Variants in NFIB observed in about 807,000 individuals in gnomAD.
NFIB encodes nuclear factor I B.
In NFIB, 11 loss-of-function variants were observed where a neutral mutation model predicts 61.5. The observed-to-expected ratio is 0.18, with a 90% confidence interval of 0.11 to 0.30. The LOEUF (loss-of-function observed/expected upper bound fraction) is 0.30, where lower values mean the gene tolerates loss of function less well. NFIB is among the 10% of genes least tolerant of loss of function. NFIB has a pLI of 1.00. For missense variants in NFIB, 471 were observed against 608.9 expected, an observed-to-expected ratio of 0.77 and a Z score of 2.38; for synonymous variants, 260 against 216.5, an observed-to-expected ratio of 1.20 and a Z score of -1.76.
At chr9:14,456,275 G>A in the NFIB span, among the ~76,000 whole-genome samples, 1 of 150,870 alleles carries the variant, frequency 6.6e-6, no homozygotes, top group African/African-American at 2.4e-5. Context: ...ACATTCTTAT[G>A]TTGGGAAAGA....
intron 2 of NFIB, among the ~76,000 whole-genome samples, chr9:14,229,275 G>A (rs957178482): frequency 3.3e-5 from 5 of 152,122 alleles, no homozygotes; most frequent in Non-Finnish European, 7.3e-5. Context: ...ACACCAGCAC[G>A]CAAAGCCCAA....
chr9:14,442,821 C>G, the NFIB span, among the ~76,000 whole-genome samples: 2 of 152,090 alleles, frequency 1.3e-5, no homozygotes, highest in African/African-American at 2.4e-5. Flanking sequence ...CGGCTTAACC[C>G]ATAAACCATG....
At chr9:14,092,009 C>G (rs114171807) in intron 10 of NFIB, among the ~76,000 whole-genome samples, 1,755 of 152,110 alleles carry the variant, frequency 0.012, 20 homozygotes, top group African/African-American at 0.022. Context: ...ATGGCTCCCC[C>G]CAAAAGGGAA....
the NFIB span, among the ~76,000 whole-genome samples, chr9:14,523,068 G>A: frequency 6.6e-6 from 1 of 152,162 alleles, no homozygotes; most frequent in Non-Finnish European, 1.5e-5. Flanking sequence ...GGTATAGAAG[G>A]GTAGTGTCTG....
intron 1 of NFIB, chr9:14,322,207 A>C: frequency 2.2e-6 from 2 of 922,638 alleles, no homozygotes; most frequent in Non-Finnish European, 2.8e-6. Context: ...AAAAGCAGGC[A>C]GCCCTTCAGT....
chr9:14,208,805 C>G (rs2050018465), intron 2 of NFIB, among the ~76,000 whole-genome samples: 1 of 152,076 alleles, frequency 6.6e-6, no homozygotes. Flanking sequence ...AAATATTCAT[C>G]TTTTCTCAAA....
At chr9:14,177,363 T>A (rs904386843) in intron 3 of NFIB, among the ~76,000 whole-genome samples, 2 of 151,396 alleles carry the variant, frequency 1.3e-5, no homozygotes, top group African/African-American at 4.8e-5. Flanking sequence ...GTTCTAGTTG[T>A]TCACATTTAA....
intron 1 of NFIB, among the ~76,000 whole-genome samples, chr9:14,396,067 T>G: frequency 6.6e-6 from 1 of 152,168 alleles, no homozygotes; most frequent in East Asian, 1.9e-4. Context: ...CCAGAGGCTT[T>G]TGCAGCCGAT....
rs60679171 is a variant in NFIB at position 14,256,588 on chromosome 9, C to G, written c.562+50401G>C. ...TTCTAGCTGCCAATCCACTAACTTCCAAAAAGGAAAGTGAATATGCCAGAC... is the reference window on the plus strand; with the variant it reads ...TTCTAGCTGCCAATCCACTAACTTCGAAAAAGGAAAGTGAATATGCCAGAC... On this transcript the variant is annotated intron_variant, in intron 2 of 10. Coordinates refer to ENST00000380953, the MANE Select transcript of NFIB (RefSeq NM_001190737.2). Among the ~76,000 whole-genome samples the G allele has an allele frequency of 5.2e-3, 793 of 152,176 alleles. 3 individuals carry two copies. The highest frequency in any genetic ancestry group is 0.019 in the African/African-American group (772 of 41,504).
chr9:14,326,466 T>C (rs1442906706), intron 1 of NFIB, among the ~76,000 whole-genome samples: 1 of 152,190 alleles, frequency 6.6e-6, no homozygotes, highest in African/African-American at 2.4e-5. Context: ...TGTTCCTTCT[T>C]TCACTAACTA....
At chr9:14,499,631 G>A in the NFIB span, among the ~76,000 whole-genome samples, 1 of 152,166 alleles carries the variant, frequency 6.6e-6, no homozygotes, top group Admixed American at 6.5e-5. Context: ...CTTTGGATAT[G>A]GAAAATAATG....
chr9:14,230,033 G>A (rs891273177), intron 2 of NFIB, among the ~76,000 whole-genome samples: 10 of 152,144 alleles, frequency 6.6e-5, no homozygotes, highest in African/African-American at 2.4e-4. Context: ...TTGAACTCCC[G>A]ACCTCAGGTG....
chr9:14,367,962 G>A (rs2061320329), intron 1 of NFIB, among the ~76,000 whole-genome samples: 1 of 152,046 alleles, frequency 6.6e-6, no homozygotes, highest in African/African-American at 2.4e-5. Flanking sequence ...AAACCTCCAT[G>A]GCACGTGTAT....
At chr9:14,483,485 A>G in the NFIB span, among the ~76,000 whole-genome samples, 5 of 152,194 alleles carry the variant, frequency 3.3e-5, no homozygotes, top group Non-Finnish European at 7.3e-5. Context: ...CGGAGGCATC[A>G]ATATTGGTCA....
At position 14,210,016 on chromosome 9, in the gene NFIB, A is replaced by C. The variant is rs369600582; in HGVS notation, c.563-30236T>G. Among the ~76,000 whole-genome samples the C allele has an allele frequency of 2.0e-5, 3 of 152,300 alleles. 1 individual carries two copies. The East Asian group carries it at 5.8e-4, about 29-fold the overall frequency. ...TATCCTTTCTACGTTTTTGTTTTAC[A>C]TACTTGAATTAAGTCATATAAATAA... On this transcript the variant is annotated intron_variant, in intron 2 of 10. Transcript: ENST00000380953.
intron 1 of NFIB, among the ~76,000 whole-genome samples, chr9:14,325,824 AAAT>A (rs1233555361): frequency 6.6e-6 from 1 of 152,122 alleles, no homozygotes; most frequent in African/African-American, 2.4e-5. Flanking sequence ...GGATATTGAA[AAAT>A]AATATTTTTA....
At chr9:14,271,165 C>T (rs1213532391) in intron 2 of NFIB, among the ~76,000 whole-genome samples, 2 of 150,392 alleles carry the variant, frequency 1.3e-5, no homozygotes, top group Non-Finnish European at 3.0e-5. Flanking sequence ...CCCATAGAAC[C>T]TCCCCCTCTC....
intron 2 of NFIB, among the ~76,000 whole-genome samples, chr9:14,295,077 T>G (rs2059344618): frequency 6.6e-6 from 1 of 152,204 alleles, no homozygotes; most frequent in Non-Finnish European, 1.5e-5. Context: ...TTAGCAAAAG[T>G]GAAGTCAATT....
At chr9:14,476,776 G>A in the NFIB span, among the ~76,000 whole-genome samples, 5 of 152,150 alleles carry the variant, frequency 3.3e-5, no homozygotes, top group Non-Finnish European at 7.4e-5. Flanking sequence ...GGTGAGATAG[G>A]TGCCCACAAT....
Sources: allele counts gnomAD v4.1 joint callset (sites outside exome capture counted in the v4.1 genomes callset), GRCh38; gene constraint gnomAD v4.1.1; transcripts MANE v1.5; gene names NCBI Gene and HGNC (gene_info 2026-07-23, HGNC 2026-07-21).